Variants in RABGAP1 observed in about 807,000 individuals in gnomAD.
RABGAP1 encodes RAB GTPase activating protein 1.
A neutral mutation model predicts 137.6 loss-of-function variants in RABGAP1; 23 were observed. That is an observed-to-expected ratio of 0.17 (90% CI 0.12 to 0.24). The LOEUF (loss-of-function observed/expected upper bound fraction) is 0.24, where lower values mean the gene tolerates loss of function less well. Among genes scored for constraint, RABGAP1 ranks in the 10% least tolerant of loss-of-function variants. The probability of loss-of-function intolerance (pLI) is 1.00; values close to 1 mark genes in which losing one functional copy is unlikely to be tolerated. For missense variants in RABGAP1, 906 were observed against 1,275.8 expected, an observed-to-expected ratio of 0.71 and a Z score of 4.42; for synonymous variants, 451 against 450.7, an observed-to-expected ratio of 1.00 and a Z score of -0.01.
the RABGAP1 span, among the ~76,000 whole-genome samples, chr9:122,933,124 C>T: frequency 6.6e-6 from 1 of 152,184 alleles, no homozygotes; most frequent in Non-Finnish European, 1.5e-5. Context: ...TCCTCTATTT[C>T]CTCACTTATC....
At chr9:123,084,411 C>G (rs960338227) in intron 19 of RABGAP1, among the ~76,000 whole-genome samples, 5 of 152,262 alleles carry the variant, frequency 3.3e-5, no homozygotes, top group African/African-American at 1.2e-4. Flanking sequence ...TTTCTTACCC[C>G]CCACTGTCTA....
intron 10 of RABGAP1, among the ~76,000 whole-genome samples, chr9:123,001,601 C>T (rs948515309): frequency 6.6e-6 from 1 of 152,118 alleles, no homozygotes; most frequent in Non-Finnish European, 1.5e-5. Context: ...GTAGCAGGAG[C>T]AGAGATTAGG....
the RABGAP1 span, among the ~76,000 whole-genome samples, chr9:122,932,017 C>T: frequency 1.3e-5 from 2 of 152,174 alleles, no homozygotes; most frequent in Non-Finnish European, 2.9e-5. Flanking sequence ...ACTCCCATGG[C>T]TTCCGTTACC....
At chr9:123,087,985 A>T (rs2034920952) in intron 19 of RABGAP1, among the ~76,000 whole-genome samples, 1 of 152,112 alleles carries the variant, frequency 6.6e-6, no homozygotes, top group Admixed American at 6.5e-5. Flanking sequence ...TTTCCACGTC[A>T]GCACTTTAGT....
At chr9:123,071,316 T>G (rs1260416710) in intron 15 of RABGAP1, 4 of 152,242 alleles carry the variant, frequency 2.6e-5, no homozygotes, top group Non-Finnish European at 5.9e-5. Flanking sequence ...TTGCCTTTTT[T>G]TGTGTTTCAT....
chr9:123,058,182 G>T (rs1185474256), intron 13 of RABGAP1, among the ~76,000 whole-genome samples: 1 of 152,154 alleles, frequency 6.6e-6, no homozygotes, highest in Non-Finnish European at 1.5e-5. Context: ...ATAGCAAAAG[G>T]GGTAGAATAG....
intron 2 of RABGAP1, among the ~76,000 whole-genome samples, chr9:122,968,032 T>C (rs1236988999): frequency 6.6e-6 from 1 of 152,132 alleles, no homozygotes; most frequent in Non-Finnish European, 1.5e-5. Flanking sequence ...CCTGCCTTTT[T>C]TCTTAATGTT....
chr9:123,083,926 C>T (rs1007508338), intron 19 of RABGAP1, among the ~76,000 whole-genome samples: 1 of 152,166 alleles, frequency 6.6e-6, no homozygotes, highest in Non-Finnish European at 1.5e-5. Flanking sequence ...TCAACAAACG[C>T]TTGTAGATTT....
At chr9:123,024,936 C>A (rs1314164023) in intron 13 of RABGAP1, among the ~76,000 whole-genome samples, 1 of 152,122 alleles carries the variant, frequency 6.6e-6, no homozygotes, top group East Asian at 1.9e-4. Flanking sequence ...TGGTTTTATG[C>A]CATACAAGAC....
intron 2 of RABGAP1, among the ~76,000 whole-genome samples, chr9:122,963,243 A>G (rs1172800460): frequency 1.3e-5 from 2 of 152,164 alleles, no homozygotes; most frequent in African/African-American, 4.8e-5. Context: ...TCCCCGTCTC[A>G]TTTAAAAAAA....
chr9:122,973,320 C>G (rs1835571942), intron 2 of RABGAP1, among the ~76,000 whole-genome samples: 1 of 152,176 alleles, frequency 6.6e-6, no homozygotes, highest in Non-Finnish European at 1.5e-5. Context: ...TCACTGCAAG[C>G]TCCACCTCTC....
intron 12 of RABGAP1, among the ~76,000 whole-genome samples, chr9:123,019,030 GTAC>G (rs2031436492): frequency 6.6e-6 from 1 of 152,128 alleles, no homozygotes; most frequent in Admixed American, 6.5e-5. Flanking sequence ...AAAACTAGAG[GTAC>G]TACCATCTAC....
Position 122,963,624 on chromosome 9 carries a change from C to A in RABGAP1, c.150+6415C>A, listed in dbSNP as rs190088800. ...CTTATGGGATACAGCTTAAACAGTT[C>A]TAAGGGAAATTTATAGCTGTTAAGT... On this transcript the variant is annotated intron_variant, in intron 2 of 25. Coordinates refer to ENST00000373647, the MANE Select transcript of RABGAP1 (RefSeq NM_012197.4). Among the ~76,000 whole-genome samples, 798 of 152,168 alleles carry A rather than the reference C, an allele frequency of 5.2e-3. 32 individuals are homozygous for A. Among genetic ancestry groups the A allele is most frequent in the Admixed American group, 0.047 (725 of 15,290 alleles).
At chr9:122,968,953 A>T (rs913694790) in intron 2 of RABGAP1, among the ~76,000 whole-genome samples, 1 of 152,158 alleles carries the variant, frequency 6.6e-6, no homozygotes, top group African/African-American at 2.4e-5. Context: ...TTTTTACTGT[A>T]GTCACCCTAT....
chr9:123,032,988 C>G (rs1424842888), intron 13 of RABGAP1, among the ~76,000 whole-genome samples: 1 of 152,270 alleles, frequency 6.6e-6, no homozygotes, highest in East Asian at 1.9e-4. Context: ...GCAAGAAATG[C>G]ATCTCAAAAT....
At chr9:123,056,484 T>TC (rs1362256207) in intron 13 of RABGAP1, among the ~76,000 whole-genome samples, 5 of 150,146 alleles carry the variant, frequency 3.3e-5, no homozygotes, top group East Asian at 1.9e-4. Context: ...CTTTTTTCTT[T>TC]TTTTTTTTTT....
intron 10 of RABGAP1, among the ~76,000 whole-genome samples, chr9:123,006,373 A>G (rs940011255): frequency 2.0e-5 from 3 of 152,054 alleles, no homozygotes; most frequent in African/African-American, 7.2e-5. Context: ...ATTCCTGTGT[A>G]CTCTGGTATA....
chr9:123,032,315 A>G (rs1206151806), intron 13 of RABGAP1, among the ~76,000 whole-genome samples: 2 of 152,232 alleles, frequency 1.3e-5, no homozygotes, highest in African/African-American at 4.8e-5. Flanking sequence ...TTAAGAGAGG[A>G]TAAGTAATAT....
chr9:123,099,396 A>T, intron 23 of RABGAP1, 82 bp from the exon 24 acceptor site: 1 of 1,307,956 alleles, frequency 7.6e-7, no homozygotes. Context: ...ATTCCAATTT[A>T]CATATTCCAG....
Sources: allele counts gnomAD v4.1 joint callset (sites outside exome capture counted in the v4.1 genomes callset), GRCh38; gene constraint gnomAD v4.1.1; transcripts MANE v1.5; gene names NCBI Gene and HGNC (gene_info 2026-07-23, HGNC 2026-07-21).